Variants in SH3D19 observed in about 807,000 individuals in gnomAD.
SH3D19 encodes the protein SH3 domain containing 19.
Under a neutral mutation model 112.1 loss-of-function variants are expected in SH3D19, and 58 were observed. The observed-to-expected ratio is 0.52, with a 90% CI of 0.42 to 0.64. The LOEUF is 0.64. Among genes scored for constraint, SH3D19 ranks in the 30% least tolerant of loss-of-function variants. The pLI is 0.00. For missense variants in SH3D19, 1,090 were observed against 1,263.4 expected (o/e 0.86, Z 2.08); for synonymous variants, 391 against 448.5 (o/e 0.87, Z 1.62).
At chr4:151,150,242 T>TATATATACACACACATATATATATAC (rs1754750603) in intron 9 of SH3D19, among the ~76,000 whole-genome samples, 5 of 45,052 alleles carry the variant, frequency 1.1e-4, no homozygotes, top group Non-Finnish European at 2.1e-4. Context: ...CACACACATA[T>TATATATACACACACATATATATATAC]ATATATATAC....
chr4:151,181,156 C>A (rs910866809), intron 3 of SH3D19, among the ~76,000 whole-genome samples: 1 of 152,086 alleles, frequency 6.6e-6, no homozygotes, highest in Non-Finnish European at 1.5e-5. Flanking sequence ...GATCTGTGCA[C>A]AAAGGAAATT....
chr4:151,183,355 T>C (rs1354916907), intron 3 of SH3D19, among the ~76,000 whole-genome samples: 1 of 152,116 alleles, frequency 6.6e-6, no homozygotes, highest in Non-Finnish European at 1.5e-5. Context: ...CATGTTAAAG[T>C]TGAGATGTAG....
chr4:151,144,016 T>C lies in SH3D19; in HGVS notation c.2117A>G (p.Glu706Gly). 1 of 1,614,126 alleles carries C rather than the reference T, an allele frequency of 6.2e-7. No homozygotes were observed. Among genetic ancestry groups the C allele is most frequent in the East Asian group, 2.2e-5 (1 of 44,872 alleles). ...GDVLVMLKQT[E>G]NNYLECQKGE... ...CTTTTGGCACTCCAAGTAATTATTTTCCGTCTGCTTCAGCATCACAAGTAC... is the reference window on the plus strand; with the variant it reads ...CTTTTGGCACTCCAAGTAATTATTTCCCGTCTGCTTCAGCATCACAAGTAC... The change falls in exon 12 of 20, where the codon GAA becomes GGA. Residue 706 changes from glutamate (E) to glycine (G), a missense_variant. Transcript: ENST00000604030.
chr4:151,230,433 G>C (rs535195460), intron 1 of SH3D19, among the ~76,000 whole-genome samples: 11 of 152,244 alleles, frequency 7.2e-5, no homozygotes, highest in Non-Finnish European at 7.4e-5. Flanking sequence ...TCACTTAACA[G>C]GAGAGAAAAA....
chr4:151,236,702 G>A (rs1041576307), intron 1 of SH3D19, among the ~76,000 whole-genome samples: 2 of 152,076 alleles, frequency 1.3e-5, no homozygotes, highest in Non-Finnish European at 2.9e-5. Flanking sequence ...TAAAGGTTTT[G>A]TAAATGTACC....
chr4:151,278,884 C>T (rs1359623854), intron 1 of SH3D19: 1 of 158,860 alleles, frequency 6.3e-6, no homozygotes, highest in Non-Finnish European at 1.4e-5. Context: ...CCACCCACCT[C>T]AGCCTCCCAA....
chr4:151,164,843 G>A (rs974786163), intron 8 of SH3D19, among the ~76,000 whole-genome samples: 3 of 152,156 alleles, frequency 2.0e-5, no homozygotes, highest in African/African-American at 4.8e-5. Context: ...CTCCCAAAGT[G>A]CTGGGATTAC....
chr4:151,169,885 C>A (rs1758747719), intron 7 of SH3D19, among the ~76,000 whole-genome samples: 1 of 152,114 alleles, frequency 6.6e-6, no homozygotes, highest in Non-Finnish European at 1.5e-5. Context: ...CATCCCCCTG[C>A]CCCACTAAAT....
intron 1 of SH3D19, among the ~76,000 whole-genome samples, chr4:151,246,636 AAATAT>A (rs748498325): frequency 5.3e-5 from 8 of 152,196 alleles, no homozygotes; most frequent in Non-Finnish European, 8.8e-5. Context: ...ATAATTTTTA[AAATAT>A]ACTATACAGT....
At chr4:151,324,634 A>G (rs1314161489) in intron 1 of SH3D19, among the ~76,000 whole-genome samples, 1 of 152,170 alleles carries the variant, frequency 6.6e-6, no homozygotes, top group African/African-American at 2.4e-5. Flanking sequence ...TCATAAAAGT[A>G]ATTACAGGCC....
intron 1 of SH3D19, among the ~76,000 whole-genome samples, chr4:151,230,484 T>G (rs1475745311): frequency 6.6e-6 from 1 of 152,132 alleles, no homozygotes; most frequent in East Asian, 1.9e-4. Flanking sequence ...CTGACTCAAG[T>G]TGGAAATGAA....
chr4:151,182,329 C>A (rs1761093733), intron 3 of SH3D19, among the ~76,000 whole-genome samples: 1 of 152,162 alleles, frequency 6.6e-6, no homozygotes, highest in South Asian at 2.1e-4. Flanking sequence ...AATCTAAAAA[C>A]TATTTTGCAA....
In SH3D19 at chr4:151,324,907, G is replaced by A. The variant is rs191493869; in HGVS notation, c.112+334C>T. On this transcript the variant is annotated intron_variant, in intron 1 of 19. Transcript: ENST00000604030. ...CCCTCGGAAGGTGTCGTTGTCCACC[G>A]AGACGGCCATTGACCTCTGACTCAT... Among the ~76,000 whole-genome samples the A allele has an allele frequency of 1.2e-3, 189 of 152,206 alleles. 1 individual carries two copies. Among genetic ancestry groups the A allele is most frequent in the African/African-American group, 4.3e-3 (179 of 41,536 alleles).
chr4:151,264,207 G>C (rs1338729225), intron 1 of SH3D19, among the ~76,000 whole-genome samples: 3 of 152,056 alleles, frequency 2.0e-5, no homozygotes, highest in Non-Finnish European at 4.4e-5. Context: ...GAGGTGGGCA[G>C]ATCACCTGAG....
intron 3 of SH3D19, among the ~76,000 whole-genome samples, chr4:151,181,481 T>G (rs929562135): frequency 6.6e-6 from 1 of 152,114 alleles, no homozygotes; most frequent in African/African-American, 2.4e-5. Flanking sequence ...CATCAACTGG[T>G]TTGACTGACT....
intron 8 of SH3D19, among the ~76,000 whole-genome samples, chr4:151,164,300 A>G (rs530873564): frequency 1.3e-5 from 2 of 152,348 alleles, no homozygotes; most frequent in Admixed American, 1.3e-4. Context: ...ATGCCCGCAG[A>G]GAAAGCTGTG....
At chr4:151,181,919 G>A (rs909465124) in intron 3 of SH3D19, among the ~76,000 whole-genome samples, 1 of 151,858 alleles carries the variant, frequency 6.6e-6, no homozygotes, top group Non-Finnish European at 1.5e-5. Context: ...AAATACTGCC[G>A]CAAAGATTTG....
chr4:151,175,397 C>A lies in SH3D19; in HGVS notation c.807G>T (p.Leu269=), dbSNP rs779261995. The A allele has an allele frequency of 4.6e-5, 72 of 1,562,860 alleles. No individual in the cohort carries two copies. Among genetic ancestry groups the A allele is most frequent in the Non-Finnish European group, 6.0e-5 (69 of 1,156,024 alleles). ...GACTGTCTGAGGTGCTAGCGTTGTC[C>A]AGCAGAGACTGGGGCCGGCCTGGGG... ...ESSPGRPQSL[L]DNASTSDSQA... is the part of the protein sequence containing the mutation. The change falls in exon 7 of 20, where the codon CTG becomes CTT. Residue 269 remains leucine, a synonymous_variant. Transcript: ENST00000604030.
intron 19 of SH3D19, among the ~76,000 whole-genome samples, chr4:151,126,345 C>T (rs1387100508): frequency 2.6e-5 from 4 of 152,188 alleles, no homozygotes; most frequent in Admixed American, 2.6e-4. Context: ...TTTCCTCTGA[C>T]TGAATATCTT....
Sources: allele counts gnomAD v4.1 joint callset (sites outside exome capture counted in the v4.1 genomes callset), GRCh38; gene constraint gnomAD v4.1.1; transcripts MANE v1.5; gene names NCBI Gene and HGNC (gene_info 2026-07-23, HGNC 2026-07-21).